The following PLCB1 variants were observed in gnomAD, a reference collection of about 807,000 sequenced individuals.
The protein encoded by PLCB1 is phospholipase C beta 1.
PLCB1 carries 46 observed loss-of-function variants against 161.8 expected under a neutral mutation model. The ratio of observed to expected loss-of-function variants is 0.28; its 90% CI spans 0.22 to 0.36. The LOEUF (loss-of-function observed/expected upper bound fraction) is 0.36. PLCB1 is among the 10% of genes least tolerant of loss of function. PLCB1 has a pLI of 1.00. For missense variants in PLCB1, 1,016 were observed against 1,472.5 expected (o/e 0.69, Z 5.07); for synonymous variants, 517 against 503.7 (o/e 1.03, Z -0.35).
intron 3 of PLCB1, among the ~76,000 whole-genome samples, chr20:8,442,704 G>A (rs923575384): frequency 1.7e-4 from 26 of 152,116 alleles, no homozygotes; most frequent in African/African-American, 6.0e-4. Context: ...TTATCAAAAT[G>A]TATAATATTA....
In PLCB1 at chr20:8,154,357, C is replaced by G. The variant is rs560391648; in HGVS notation, c.177+3986C>G. ...CATTTTATTTAAGAATACAGAAGTTCTCACTGGTGGATTCTTGGTGTTTGT... is the reference window on the plus strand; with the variant it reads ...CATTTTATTTAAGAATACAGAAGTTGTCACTGGTGGATTCTTGGTGTTTGT... On this transcript the variant is annotated intron_variant, in intron 2 of 31. Coordinates refer to ENST00000338037, the MANE Select transcript of PLCB1 (RefSeq NM_015192.4). 8.5e-5 allele frequency among the ~76,000 whole-genome samples: 13 copies of G among 152,186 alleles called. No individual in the cohort carries two copies. In the East Asian group the frequency reaches 2.1e-3, roughly 25 times the overall value.
At chr20:8,341,257 A>G (rs1399278570) in intron 2 of PLCB1, among the ~76,000 whole-genome samples, 3 of 152,170 alleles carry the variant, frequency 2.0e-5, no homozygotes, top group Non-Finnish European at 4.4e-5. Context: ...CTCCTTAGAA[A>G]GTCTTCATTA....
rs961328645 is a variant in PLCB1 at position 8,282,886 on chromosome 20, T to C, written c.178-88496T>C. Among the ~76,000 whole-genome samples, 8 of 152,272 alleles carry C rather than the reference T, an allele frequency of 5.3e-5. No individual in the cohort carries two copies. In the East Asian group the frequency reaches 1.5e-3, roughly 29 times the overall value. On this transcript the variant is annotated intron_variant, in intron 2 of 31. Transcript: ENST00000338037. ...ATGAGTATTAATTAGGATATGGGTC[T>C]AGCTACTCTAACAGACATCCAAGTG...
At chr20:8,799,741 C>G (rs757028824) in intron 31 of PLCB1, among the ~76,000 whole-genome samples, 4 of 152,164 alleles carry the variant, frequency 2.6e-5, no homozygotes, top group Non-Finnish European at 5.9e-5. Flanking sequence ...TTCCAGGACT[C>G]CCCTCAGATA....
chr20:8,411,952 G>A (rs1979062713), intron 3 of PLCB1, among the ~76,000 whole-genome samples: 1 of 152,098 alleles, frequency 6.6e-6, no homozygotes, highest in African/African-American at 2.4e-5. Context: ...GAGCCCAGGA[G>A]GCAGAGGTTG....
chr20:8,858,149 C>T (rs1349751473), intron 31 of PLCB1, among the ~76,000 whole-genome samples: 1 of 152,052 alleles, frequency 6.6e-6, no homozygotes, highest in African/African-American at 2.4e-5. Context: ...TCCTTAACTA[C>T]CCCAGGATCT....
chr20:8,616,435 T>G (rs1988041994), intron 3 of PLCB1, among the ~76,000 whole-genome samples: 1 of 152,194 alleles, frequency 6.6e-6, no homozygotes, highest in African/African-American at 2.4e-5. Context: ...CATATGCTTG[T>G]TTAGGGAAGC....
At chr20:8,290,587 C>T (rs1019568203) in intron 2 of PLCB1, among the ~76,000 whole-genome samples, 18 of 152,250 alleles carry the variant, frequency 1.2e-4, no homozygotes, top group African/African-American at 4.3e-4. Context: ...AGAAAACTCT[C>T]CATCAAAGAG....
chr20:8,679,982 A>G (rs1990175794), intron 9 of PLCB1, among the ~76,000 whole-genome samples: 1 of 152,210 alleles, frequency 6.6e-6, no homozygotes, highest in Non-Finnish European at 1.5e-5. Flanking sequence ...TTAGAGCTAG[A>G]GGAGACTGAG....
In PLCB1 at chr20:8,534,880, G is replaced by A. The variant is rs545911369; in HGVS notation, c.247-93414G>A. On this transcript the variant is annotated intron_variant, in intron 3 of 31. Coordinates refer to ENST00000338037, the MANE Select transcript of PLCB1 (RefSeq NM_015192.4). ...TCTTAATCCCTGCTCCTGAACCACC[G>A]TGGGGAGCAGGAAGCCTACAGTTTC... Among the ~76,000 whole-genome samples, 8 of 152,142 alleles carry A rather than the reference G, an allele frequency of 5.3e-5. No homozygotes were observed. In the South Asian group the frequency reaches 1.0e-3, roughly 20 times the overall value.
chr20:8,717,964 G>C, intron 14 of PLCB1, 116 bp downstream of exon 14: 1 of 897,508 alleles, frequency 1.1e-6, no homozygotes, highest in Non-Finnish European at 1.6e-6. Context: ...GCTGAGGCAG[G>C]TGGATTATGA....
chr20:8,523,748 T>G (rs1336568829), intron 3 of PLCB1, among the ~76,000 whole-genome samples: 1 of 151,380 alleles, frequency 6.6e-6, no homozygotes, highest in Non-Finnish European at 1.5e-5. Context: ...CTTAGTATAT[T>G]AAGGTTACTC....
At position 8,722,366 on chromosome 20, in the gene PLCB1, C is replaced by T. The variant is rs150686631; in HGVS notation, c.1526C>T (p.Thr509Met). The change falls in exon 15 of 32, where the codon ACG becomes ATG. Residue 509 changes from threonine to methionine, a missense_variant. Transcript: ENST00000338037. ...TAAAATTTGACAGGAGAAGCTGATA[C>T]GGAAAGTGACGACGACGATGATGAT... is the stretch of plus-strand genomic sequence containing the variant. ...PSSPGAGEAD[T>M]ESDDDDDDDD... is the part of the protein sequence containing the mutation. 119 of 1,610,578 alleles carry T rather than the reference C, an allele frequency of 7.4e-5. 1 individual carries two copies. The African/African-American group carries it at 1.4e-3, about 19-fold the overall frequency.
rs112685699 is a variant in PLCB1, at chr20:8,620,810, C to T, written c.247-7484C>T. 2.0e-3 allele frequency among the ~76,000 whole-genome samples: 296 copies of T among 151,194 alleles called. 1 individual carries two copies. The highest frequency in any genetic ancestry group is 0.01 in the Middle Eastern group (3 of 286). ...AGAATACAGGCTGTCTGCTGTTTTC[C>T]TCCATGTGTCAAAAGCTCACAGCAT... On this transcript the variant is annotated intron_variant, in intron 3 of 31. Transcript: ENST00000338037.
chr20:8,184,241 C>G, intron 2 of PLCB1, among the ~76,000 whole-genome samples: 1 of 151,992 alleles, frequency 6.6e-6, no homozygotes, highest in East Asian at 1.9e-4. Flanking sequence ...TAATTAACAT[C>G]TTAAATTTAA....
chr20:8,307,504 T>G (rs1420135816), intron 2 of PLCB1, among the ~76,000 whole-genome samples: 1 of 152,248 alleles, frequency 6.6e-6, no homozygotes, highest in Non-Finnish European at 1.5e-5. Context: ...GGTTTTGAAC[T>G]TTTTGTGCTT....
intron 3 of PLCB1, among the ~76,000 whole-genome samples, chr20:8,539,220 C>T (rs1043827847): frequency 1.4e-4 from 22 of 152,206 alleles, no homozygotes; most frequent in African/African-American, 5.3e-4. Context: ...ACAATTTCTT[C>T]AGTTACTTAC....
At chr20:8,449,482 C>T (rs1161857900) in intron 3 of PLCB1, among the ~76,000 whole-genome samples, 5 of 152,138 alleles carry the variant, frequency 3.3e-5, no homozygotes, top group South Asian at 2.1e-4. Context: ...TCTGAAAGAC[C>T]GTTCAGCAGG....
chr20:8,446,189 A>G (rs1406985923), intron 3 of PLCB1, among the ~76,000 whole-genome samples: 1 of 152,214 alleles, frequency 6.6e-6, no homozygotes, highest in African/African-American at 2.4e-5. Flanking sequence ...ATCCAGCAGC[A>G]CATCAAAAAG....
Sources: gnomAD v4.1 joint callset for allele counts (sites outside exome capture counted in the v4.1 genomes callset) on GRCh38, gnomAD v4.1.1 for gene constraint, MANE v1.5 for transcripts, NCBI Gene and HGNC (gene_info 2026-07-23, HGNC 2026-07-21) for gene names.